The following TXNDC16 variants were observed in gnomAD, a reference collection of about 807,000 sequenced individuals.
TXNDC16 encodes thioredoxin domain containing 16, also known as thioredoxin domain-containing protein 16.
In TXNDC16, 74 loss-of-function variants were observed where a neutral mutation model predicts 85.6. The ratio of observed to expected loss-of-function variants is 0.86; its 90% confidence interval spans 0.72 to 1.05. The LOEUF is 1.05. Ranked by LOEUF, TXNDC16 falls within the 50% of genes least tolerant of loss-of-function variation. The probability of loss-of-function intolerance (pLI) is 0.00; values close to 1 mark genes in which losing one functional copy is unlikely to be tolerated. For synonymous variants in TXNDC16, 335 were observed against 326.5 expected (o/e 1.03, Z -0.28); for missense variants, 959 against 947.0 (o/e 1.01, Z -0.17).
At chr14:52,468,462 C>T (rs1034647030) in intron 16 of TXNDC16, among the ~76,000 whole-genome samples, 2 of 151,878 alleles carry the variant, frequency 1.3e-5, no homozygotes, top group African/African-American at 2.4e-5. Flanking sequence ...TATCATTAAA[C>T]AAAGCTAAAG....
intron 17 of TXNDC16, 121 bp from the exon 18 acceptor site, chr14:52,455,583 A>C: frequency 9.0e-7 from 1 of 1,109,912 alleles, no homozygotes; most frequent in Non-Finnish European, 1.3e-6. Flanking sequence ...CTAAGGAAAA[A>C]AATGAACTCC....
intron 20 of TXNDC16, among the ~76,000 whole-genome samples, chr14:52,438,765 C>A (rs1307571607): frequency 6.6e-6 from 1 of 152,118 alleles, no homozygotes; most frequent in Non-Finnish European, 1.5e-5. Context: ...TTCTATAAAA[C>A]CACATATTTG....
intron 1 of TXNDC16, among the ~76,000 whole-genome samples, chr14:52,545,062 A>G (rs2140232468): frequency 6.6e-6 from 1 of 152,300 alleles, no homozygotes; most frequent in South Asian, 2.1e-4. Context: ...ATAACTATGT[A>G]ACATTCATTA....
At position 52,524,821 on chromosome 14, in the gene TXNDC16, T is replaced by C. The variant is rs372921889; in HGVS notation, c.393-5528A>G. Among the ~76,000 whole-genome samples, 26 of 151,812 alleles carry C rather than the reference T, an allele frequency of 1.7e-4. 1 individual carries two copies. Among genetic ancestry groups the C allele is most frequent in the African/African-American group, 6.0e-4 (25 of 41,432 alleles). On this transcript the variant is annotated intron_variant, in intron 6 of 20. Transcript: ENST00000281741. ...AGGATTCTTAGGAATCAACAATGAGTACAGGTAAAGAAGAATGGGCTGGGC... is the reference window on the plus strand; with the variant it reads ...AGGATTCTTAGGAATCAACAATGAGCACAGGTAAAGAAGAATGGGCTGGGC...
intron 6 of TXNDC16, among the ~76,000 whole-genome samples, chr14:52,523,495 T>C (rs2037259840): frequency 6.6e-6 from 1 of 152,090 alleles, no homozygotes; most frequent in African/African-American, 2.4e-5. Context: ...TGTTTTACCA[T>C]ACCAAAACCC....
chr14:52,547,667 G>A (rs547742953), intron 1 of TXNDC16, among the ~76,000 whole-genome samples: 1 of 152,206 alleles, frequency 6.6e-6, no homozygotes, highest in East Asian at 1.9e-4. Flanking sequence ...TCTCCAAACA[G>A]GAATACTTAC....
chr14:52,475,301 C>A (rs1476136908), intron 14 of TXNDC16, among the ~76,000 whole-genome samples: 1 of 152,088 alleles, frequency 6.6e-6, no homozygotes, highest in South Asian at 2.1e-4. Flanking sequence ...CAATTTGAAC[C>A]AATCGAAGAG....
rs148438416 is a variant in TXNDC16 at position 52,453,969 on chromosome 14, T to G, written c.1842+1355A>C. Among the ~76,000 whole-genome samples the G allele has an allele frequency of 6.2e-3, 946 of 152,306 alleles. 15 individuals carry two copies. The highest frequency in any genetic ancestry group is 0.021 in the African/African-American group (887 of 41,566). On this transcript the variant is annotated intron_variant, in intron 18 of 20. Transcript: ENST00000281741. ...TGAAAGAATAAAGAAGACCTAGTAT[T>G]TGCCAGTATAACAGGGTGATATAGT...
At chr14:52,443,750 C>T (rs928555488) in intron 18 of TXNDC16, among the ~76,000 whole-genome samples, 4 of 152,126 alleles carry the variant, frequency 2.6e-5, no homozygotes, top group African/African-American at 9.7e-5. Flanking sequence ...ATTGGTGACA[C>T]AGTTAGGCCT....
chr14:52,506,447 C>T lies in TXNDC16; in HGVS notation c.756+4793G>A, dbSNP rs551359354. Among the ~76,000 whole-genome samples, 62 of 149,444 alleles carry T rather than the reference C, an allele frequency of 4.1e-4. 1 individual carries two copies. The East Asian group carries it at 9.6e-3, about 23-fold the overall frequency. Reference sequence around the variant, plus strand: ...ACATAAATCAATAAACGTAATCCAGCATATAAACAGAACCAACGACCAAAA... The same window carrying T: ...ACATAAATCAATAAACGTAATCCAGTATATAAACAGAACCAACGACCAAAA... On this transcript the variant is annotated intron_variant, in intron 9 of 20. Transcript: ENST00000281741.
chr14:52,481,865 C>T (rs1293633323), intron 14 of TXNDC16, among the ~76,000 whole-genome samples: 2 of 152,248 alleles, frequency 1.3e-5, no homozygotes, highest in African/African-American at 4.8e-5. Context: ...GACCATGAGA[C>T]TGGGTCTTGA....
At chr14:52,497,182 G>A (rs927783604) in intron 9 of TXNDC16, among the ~76,000 whole-genome samples, 2 of 151,754 alleles carry the variant, frequency 1.3e-5, no homozygotes, top group African/African-American at 4.8e-5. Flanking sequence ...TAATAAACAG[G>A]ATTATAAAAG....
At chr14:52,472,250 T>C (rs1594707201) in intron 14 of TXNDC16, among the ~76,000 whole-genome samples, 1 of 151,730 alleles carries the variant, frequency 6.6e-6, no homozygotes, top group Non-Finnish European at 1.5e-5. Flanking sequence ...CAGGCTGGAG[T>C]GCAGTGGCGT....
intron 11 of TXNDC16, among the ~76,000 whole-genome samples, chr14:52,489,852 T>C (rs1302882138): frequency 6.6e-6 from 1 of 152,200 alleles, no homozygotes; most frequent in Admixed American, 6.5e-5. Context: ...GTTTATTTTT[T>C]TGAGACAGGG....
intron 8 of TXNDC16, among the ~76,000 whole-genome samples, chr14:52,514,631 C>A (rs1450145927): frequency 6.6e-6 from 1 of 152,160 alleles, no homozygotes; most frequent in African/African-American, 2.4e-5. Flanking sequence ...TGGCCACTCA[C>A]ATCTTGTGGC....
At chr14:52,522,131 C>G (rs2037224479) in intron 6 of TXNDC16, among the ~76,000 whole-genome samples, 1 of 152,136 alleles carries the variant, frequency 6.6e-6, no homozygotes, top group Non-Finnish European at 1.5e-5. Context: ...AATTGGACTA[C>G]CATGTAAATT....
intron 3 of TXNDC16, 119 bp from the exon 4 acceptor site, chr14:52,542,572 C>G: frequency 1.7e-6 from 1 of 602,728 alleles, no homozygotes; most frequent in Admixed American, 3.2e-5. Flanking sequence ...AATAACTAAA[C>G]ATATCTCATT....
intron 14 of TXNDC16, among the ~76,000 whole-genome samples, chr14:52,480,944 GGTGTGT>G (rs146675184): frequency 0.096 from 13,281 of 138,552 alleles, 807 homozygotes; most frequent in Non-Finnish European, 0.13. Context: ...AAGACACTGT[GGTGTGT>G]GTGTGTGTGT....
chr14:52,459,100 T>A (rs185969628), intron 16 of TXNDC16, among the ~76,000 whole-genome samples: 156 of 152,298 alleles, frequency 1.0e-3, no homozygotes, highest in Non-Finnish European at 4.4e-4. Context: ...ACAAAAAGCT[T>A]TTCAGCTACT....
Sources: allele counts gnomAD v4.1 joint callset (sites outside exome capture counted in the v4.1 genomes callset), GRCh38; gene constraint gnomAD v4.1.1; transcripts MANE v1.5; gene names NCBI Gene and HGNC (gene_info 2026-07-23, HGNC 2026-07-21).